Variants in NPSR1 observed in about 807,000 individuals in gnomAD.
The protein encoded by NPSR1 is neuropeptide S receptor 1.
A neutral mutation model predicts 46.9 loss-of-function variants in NPSR1; 48 were observed. The ratio of observed to expected loss-of-function variants is 1.02; its 90% CI spans 0.81 to 1.30. NPSR1 has a LOEUF of 1.30. Ranked by LOEUF, NPSR1 falls within the 50% of genes most tolerant of loss-of-function variation. The pLI, the probability that NPSR1 is intolerant of heterozygous loss-of-function variation, is 0.00. For missense variants in NPSR1, 450 were observed against 449.5 expected (o/e 1.00, Z -0.01); for synonymous variants, 176 against 168.1 (o/e 1.05, Z -0.36).
chr7:34,720,726 G>A (rs1783812968), intron 2 of NPSR1, among the ~76,000 whole-genome samples: 1 of 152,102 alleles, frequency 6.6e-6, no homozygotes. Flanking sequence ...GAAACTTGGA[G>A]TTGGCCTGGA....
chr7:34,787,890 G>T (rs568284006), intron 3 of NPSR1, among the ~76,000 whole-genome samples: 1 of 152,020 alleles, frequency 6.6e-6, no homozygotes, highest in African/African-American at 2.4e-5. Flanking sequence ...CTTAATGGAC[G>T]TAATAATAAC....
intron 3 of NPSR1, among the ~76,000 whole-genome samples, chr7:34,807,994 G>T (rs1395410408): frequency 6.7e-6 from 1 of 149,902 alleles, no homozygotes; most frequent in East Asian, 2.0e-4. Context: ...TCAAATTAAA[G>T]ATCTTAAAAC....
At chr7:34,677,200 A>G (rs1295848842) in intron 1 of NPSR1, among the ~76,000 whole-genome samples, 4 of 152,188 alleles carry the variant, frequency 2.6e-5, no homozygotes, top group Non-Finnish European at 5.9e-5. Flanking sequence ...GTACTCTACA[A>G]AGATGAAGAA....
chr7:34,696,328 T>C (rs1312766365), intron 2 of NPSR1, among the ~76,000 whole-genome samples: 2 of 151,366 alleles, frequency 1.3e-5, no homozygotes, highest in Non-Finnish European at 3.0e-5. Flanking sequence ...AGGTGGGAGG[T>C]GAATAAGAGT....
chr7:34,754,465 A>G (rs963635437), intron 2 of NPSR1, among the ~76,000 whole-genome samples: 1 of 152,154 alleles, frequency 6.6e-6, no homozygotes, highest in African/African-American at 2.4e-5. Flanking sequence ...CAAACAGAAG[A>G]TACCAGTGTA....
intron 8 of NPSR1, among the ~76,000 whole-genome samples, chr7:34,860,135 T>C (rs1387512599): frequency 6.6e-6 from 1 of 151,784 alleles, no homozygotes; most frequent in Non-Finnish European, 1.5e-5. Flanking sequence ...TGCATATAAA[T>C]GCCCAAACAA....
At chr7:34,829,384 T>C (rs1158088204) in intron 5 of NPSR1, among the ~76,000 whole-genome samples, 1 of 152,142 alleles carries the variant, frequency 6.6e-6, no homozygotes, top group East Asian at 1.9e-4. Flanking sequence ...GAGAGAAAGT[T>C]TGAAGGAGAA....
chr7:34,685,585 C>T (rs952649649), intron 2 of NPSR1, among the ~76,000 whole-genome samples: 1 of 152,162 alleles, frequency 6.6e-6, no homozygotes, highest in African/African-American at 2.4e-5. Context: ...CTATTTGGTA[C>T]ATTTCAACCT....
intron 2 of NPSR1, chr7:34,750,187 G>A: frequency 2.5e-6 from 1 of 393,614 alleles, no homozygotes; most frequent in Non-Finnish European, 4.7e-6. Flanking sequence ...AACAGAATTA[G>A]AATTCTAGGT....
rs372048288 is a variant in NPSR1 at position 34,809,583 on chromosome 7, C to A, written c.385-2187C>A. On this transcript the variant is annotated intron_variant, in intron 3 of 8. Coordinates refer to ENST00000360581, the MANE Select transcript of NPSR1 (RefSeq NM_207172.2). ...GGTTCACGCCATTCTCCTGCCTCAG[C>A]CTCCCGAGTAGCTGGGACTACAGGC... 1.1e-3 allele frequency among the ~76,000 whole-genome samples: 172 copies of A among 151,592 alleles called. 1 individual carries two copies. The highest frequency in any genetic ancestry group is 4.1e-3 in the African/African-American group (170 of 41,392).
At chr7:34,798,347 C>G (rs894758393) in intron 3 of NPSR1, among the ~76,000 whole-genome samples, 9 of 152,050 alleles carry the variant, frequency 5.9e-5, no homozygotes, top group African/African-American at 2.2e-4. Context: ...CCAGCCTGAC[C>G]AACATGGTGA....
intron 3 of NPSR1, among the ~76,000 whole-genome samples, chr7:34,783,958 A>G (rs1444803156): frequency 1.3e-5 from 2 of 152,154 alleles, no homozygotes; most frequent in Admixed American, 1.3e-4. Flanking sequence ...CAGACAAACA[A>G]AAGCTGAAAG....
chr7:34,717,422 C>T (rs777617810), intron 2 of NPSR1, among the ~76,000 whole-genome samples: 6 of 152,194 alleles, frequency 3.9e-5, no homozygotes, highest in Non-Finnish European at 5.9e-5. Context: ...TGAGCCACTG[C>T]GCCCGGCCAC....
chr7:34,789,664 G>A (rs1028381876), intron 3 of NPSR1, among the ~76,000 whole-genome samples: 1 of 139,316 alleles, frequency 7.2e-6, no homozygotes, highest in Non-Finnish European at 1.5e-5. Context: ...GTGGTGGCGG[G>A]CCCCTGTAAT....
chr7:34,731,544 T>C (rs528679756), intron 2 of NPSR1, among the ~76,000 whole-genome samples: 1 of 152,356 alleles, frequency 6.6e-6, no homozygotes, highest in South Asian at 2.1e-4. Context: ...TCCACCAATA[T>C]GTATTACTTA....
At chr7:34,829,035 G>T (rs1789996453) in intron 5 of NPSR1, among the ~76,000 whole-genome samples, 1 of 152,056 alleles carries the variant, frequency 6.6e-6, no homozygotes, top group South Asian at 2.1e-4. Flanking sequence ...TAAGCTGGTG[G>T]CATGTTTTTC....
rs1166923916 is a variant in NPSR1, at chr7:34,791,069, ATTATATATGTTATATG to A, written c.384+12513_384+12528del. ...ATATATGTTATATGTTATATATTAT[ATTATATATGTTATATG>A]TTATATATATTATATATAATATGTT... On this transcript the variant is annotated intron_variant, in intron 3 of 8. Transcript: ENST00000360581. Among the ~76,000 whole-genome samples the A allele has an allele frequency of 1.5e-3, 179 of 120,362 alleles. 1 individual carries two copies. The highest frequency in any genetic ancestry group is 8.9e-3 in the Middle Eastern group (1 of 112). 79.0% of individuals were successfully genotyped at this position (120,362 alleles called of 152,430 possible). A position where few individuals can be genotyped will look rare whatever the true frequency, so the allele number is the denominator to read the frequency against.
chr7:34,694,191 G>GA (rs1359029903), intron 2 of NPSR1, among the ~76,000 whole-genome samples: 1 of 151,580 alleles, frequency 6.6e-6, no homozygotes, highest in Admixed American at 6.6e-5. Context: ...ATCCACACTA[G>GA]AAAAAAAAGT....
chr7:34,775,964 C>A (rs1427795467), intron 2 of NPSR1, among the ~76,000 whole-genome samples: 1 of 151,890 alleles, frequency 6.6e-6, no homozygotes, highest in Non-Finnish European at 1.5e-5. Flanking sequence ...TTTAAATTTT[C>A]TTCTTAATTT....
Sources: allele counts gnomAD v4.1 joint callset (sites outside exome capture counted in the v4.1 genomes callset), GRCh38; gene constraint gnomAD v4.1.1; transcripts MANE v1.5; gene names NCBI Gene and HGNC (gene_info 2026-07-23, HGNC 2026-07-21).